CDH5: variants seen among roughly 807,000 people sequenced by gnomAD.
CDH5 encodes the protein cadherin-5.
In CDH5, 28 loss-of-function variants were observed where a neutral mutation model predicts 62.0. That is an observed-to-expected ratio of 0.45 (90% CI 0.33 to 0.62). The LOEUF (loss-of-function observed/expected upper bound fraction) is 0.62, where lower values mean the gene tolerates loss of function less well. Among genes scored for constraint, CDH5 ranks in the 20% least tolerant of loss-of-function variants. CDH5 has a pLI of 0.02. For missense variants in CDH5, 940 were observed against 1,065.1 expected, an observed-to-expected ratio of 0.88 and a Z score of 1.63; for synonymous variants, 464 against 445.8, an observed-to-expected ratio of 1.04 and a Z score of -0.52.
At chr16:66,376,891 T>C (rs539212681) in intron 1 of CDH5, among the ~76,000 whole-genome samples, 10 of 152,268 alleles carry the variant, frequency 6.6e-5, no homozygotes, top group African/African-American at 2.2e-4. Context: ...GGCACCCCCA[T>C]TGCCTAGCAT....
At position 66,402,699 on chromosome 16, in the gene CDH5, C is replaced by G; in HGVS notation, c.1885C>G (p.Arg629Gly). 3 of 1,608,536 alleles carry G rather than the reference C, an allele frequency of 1.9e-6. No individual in the cohort carries two copies. Among genetic ancestry groups the G allele is most frequent in the South Asian group, 1.1e-5 (1 of 90,632 alleles). The change falls in exon 12 of 12, where the codon CGC becomes GGC. Residue 629 changes from arginine to glycine, a missense_variant. Coordinates refer to ENST00000341529, the MANE Select transcript of CDH5 (RefSeq NM_001795.5). ...FLRRRLRKQARAHGKSVPEIH... is the reference protein window; with the variant it reads ...FLRRRLRKQAGAHGKSVPEIH... ...GCGGCGGCGGCTCCGGAAGCAGGCC[C>G]GCGCGCACGGCAAGAGCGTGCCGGA...
chr16:66,403,160 G>A lies in CDH5; in HGVS notation c.2346G>A (p.Leu782=). 6.2e-7 allele frequency: 1 copy of A among 1,609,620 alleles called. No individual in the cohort carries two copies. Among genetic ancestry groups the A allele is most frequent in the South Asian group, 1.1e-5 (1 of 90,524 alleles). Residue 782 remains leucine (L), a synonymous_variant, in exon 12 of 12, where the codon CTG becomes CTA. Transcript: ENST00000341529. This position sits in a 1 kb window ranked among gnomAD's most constrained non-coding sequence, Gnocchi z 4.3. The stretch of plus-strand genomic sequence containing the variant: ...ACGGCTCGGACCCCCGGGAGGAGCT[G>A]CTGTATTAGGCGGCCGAGGTCACTC... ...ELYGSDPREE[L]LY is the part of the protein sequence containing the mutation.
At chr16:66,381,756 A>T (rs72786454) in intron 2 of CDH5, among the ~76,000 whole-genome samples, 1 of 152,102 alleles carries the variant, frequency 6.6e-6, no homozygotes, top group Non-Finnish European at 1.5e-5. Context: ...AATCCAGCCC[A>T]CTGCCTGGAC....
rs1039774066 is a variant in CDH5, at chr16:66,403,142, G to T, written c.2328G>T (p.Ser776=). 1 of 1,610,748 alleles carries T rather than the reference G, an allele frequency of 6.2e-7. No individual in the cohort carries two copies. Among genetic ancestry groups the T allele is most frequent in the Non-Finnish European group, 8.5e-7 (1 of 1,179,082 alleles). Residue 776 remains serine (S), a synonymous_variant, in exon 12 of 12, where the codon TCG becomes TCT. Coordinates refer to ENST00000341529, the MANE Select transcript of CDH5 (RefSeq NM_001795.5). The surrounding 1 kb of genome is among the most constrained non-coding windows in gnomAD (Gnocchi z 4.3). ...AGATGCTGGCTGAGCTGTACGGCTC[G>T]GACCCCCGGGAGGAGCTGCTGTATT... ...RFKMLAELYG[S]DPREELLY is the part of the protein sequence containing the mutation.
intron 1 of CDH5, among the ~76,000 whole-genome samples, chr16:66,372,010 C>T (rs1422612512): frequency 1.3e-5 from 2 of 152,158 alleles, no homozygotes; most frequent in Non-Finnish European, 2.9e-5. Flanking sequence ...GATCTCACAG[C>T]CCCTTGGAGG....
At chr16:66,395,943 GA>G in intron 7 of CDH5, 115 bp from the exon 8 acceptor site, 1 of 1,009,620 alleles carries the variant, frequency 9.9e-7, no homozygotes, top group Non-Finnish European at 1.5e-6. Flanking sequence ...AGCAGTGAGA[GA>G]GGGGCATGGA....
At chr16:66,390,760 T>G (rs1004875931) in intron 6 of CDH5, among the ~76,000 whole-genome samples, 170 bp downstream of exon 6, 2 of 152,146 alleles carry the variant, frequency 1.3e-5, no homozygotes, top group African/African-American at 2.4e-5. Flanking sequence ...CCGAGTTACT[T>G]GGGAAGCAAA....
intron 1 of CDH5, among the ~76,000 whole-genome samples, chr16:66,373,623 C>A (rs931788067): frequency 1.3e-5 from 2 of 151,956 alleles, no homozygotes; most frequent in African/African-American, 2.4e-5. Context: ...CACCATGTTT[C>A]CCAGGCTGGT....
intron 8 of CDH5, among the ~76,000 whole-genome samples, chr16:66,397,586 T>G (rs1446197651): frequency 6.6e-6 from 1 of 152,192 alleles, no homozygotes; most frequent in African/African-American, 2.4e-5. Context: ...GGCCATCCAT[T>G]TCAGTCTTTT....
Position 66,386,795 on chromosome 16 carries a change from C to T in CDH5, c.211-14C>T, listed in dbSNP as rs1358196107. 1 of 1,587,460 alleles carries T rather than the reference C, an allele frequency of 6.3e-7. No individual in the cohort carries two copies. On this transcript the variant is annotated splice_polypyrimidine_tract_variant and intron_variant, in intron 2 of 11. Transcript: ENST00000341529. ...GCCGCCCATTCCCAGCTCACGTCAC[C>T]TCTTCTTTTCTAGATCAAGTCAAGC...
In CDH5 at chr16:66,400,948, T is replaced by C; in HGVS notation, c.1769T>C (p.Met590Thr). Residue 590 changes from methionine (M) to threonine (T), a missense_variant, in exon 11 of 12, where the codon ATG becomes ACG. Met to Thr is a moderately conservative substitution (Grantham distance 81). Coordinates refer to ENST00000341529, the MANE Select transcript of CDH5 (RefSeq NM_001795.5). ...GGCGAGTTCACCTTCTGCGAGGATA[T>C]GGCCGCCCAGGTGGGCGTGAGCATC... ...EQGEFTFCED[M>T]AAQVGVSIQA... The C allele has an allele frequency of 1.9e-6, 3 of 1,614,148 alleles. No homozygotes were observed. The highest frequency in any genetic ancestry group is 1.1e-5 in the South Asian group (1 of 91,088).
chr16:66,390,496 T>G lies in CDH5; in HGVS notation c.875T>G (p.Met292Arg), dbSNP rs530350962. The change falls in exon 6 of 12, where the codon ATG becomes AGG. Residue 292 changes from methionine (M) to arginine (R), a missense_variant. Met to Arg is a moderately conservative substitution (Grantham distance 91, BLOSUM62 -1). Coordinates refer to ENST00000341529, the MANE Select transcript of CDH5 (RefSeq NM_001795.5). ...VEDPDEPQNRMTKYSILRGDY... is the reference protein window; with the variant it reads ...VEDPDEPQNRRTKYSILRGDY... ...GACCCAGATGAGCCCCAGAACCGGA[T>G]GACCAAGTACAGCATCTTGCGGGGC... 6.8e-6 allele frequency: 11 copies of G among 1,614,130 alleles called. No individual in the cohort carries two copies. In the African/African-American group the frequency reaches 1.3e-4, roughly 20 times the overall value.
intron 1 of CDH5, among the ~76,000 whole-genome samples, chr16:66,376,037 G>T (rs1960780322): frequency 6.6e-6 from 1 of 152,128 alleles, no homozygotes; most frequent in Admixed American, 6.5e-5. Context: ...CTTGAACCTG[G>T]GAGGCGGAGG....
Position 66,390,537 on chromosome 16 carries a change from T to A in CDH5, c.916T>A (p.Phe306Ile). The A allele has an allele frequency of 1.2e-6, 2 of 1,614,144 alleles. No individual in the cohort carries two copies. Among genetic ancestry groups the A allele is most frequent in the Non-Finnish European group, 1.7e-6 (2 of 1,180,026 alleles). Residue 306 changes from phenylalanine (F) to isoleucine (I), a missense_variant, in exon 6 of 12, where the codon TTC becomes ATC. By Grantham distance (21) the Phe-to-Ile change is conservative. Transcript: ENST00000341529. ...SILRGDYQDA[F>I]TIETNPAHNE... Reference sequence around the variant, plus strand: ...CTTGCGGGGCGACTACCAGGACGCTTTCACCATTGAGACAAACCCCGCCCA... The same window carrying A: ...CTTGCGGGGCGACTACCAGGACGCTATCACCATTGAGACAAACCCCGCCCA...
At chr16:66,397,279 G>A (rs1567467958) in intron 8 of CDH5, among the ~76,000 whole-genome samples, 1 of 152,022 alleles carries the variant, frequency 6.6e-6, no homozygotes, top group African/African-American at 2.4e-5. Flanking sequence ...AAGTGCAGTG[G>A]CACGATCACA....
chr16:66,392,391 G>A lies in CDH5; in HGVS notation c.1217+8G>A, dbSNP rs1392581875. The A allele has an allele frequency of 4.3e-6, 7 of 1,613,838 alleles. No homozygotes were observed. The highest frequency in any genetic ancestry group is 5.9e-6 in the Non-Finnish European group (7 of 1,179,886). On this transcript the variant is annotated splice_region_variant and intron_variant, in intron 7 of 11. Coordinates refer to ENST00000341529, the MANE Select transcript of CDH5 (RefSeq NM_001795.5). ...GGCTAGGCATAGCATTGGGTAAGGGGGCGTGTGTCGATGAGAATGATAAGG... is the reference window on the plus strand; with the variant it reads ...GGCTAGGCATAGCATTGGGTAAGGGAGCGTGTGTCGATGAGAATGATAAGG...
In CDH5 at chr16:66,391,511, G is replaced by A. The variant is rs546048825; in HGVS notation, c.970-625G>A. Among the ~76,000 whole-genome samples, 5 of 152,156 alleles carry A rather than the reference G, an allele frequency of 3.3e-5. No individual in the cohort carries two copies. The East Asian group carries it at 5.8e-4, about 18-fold the overall frequency. On this transcript the variant is annotated intron_variant, in intron 6 of 11. Coordinates refer to ENST00000341529, the MANE Select transcript of CDH5 (RefSeq NM_001795.5). Reference sequence around the variant, plus strand: ...TGTCCGGCCGGGCCCGGTGGTTCACGCCTCTAATCCCAGCACTTTGTGAGG... The same window carrying A: ...TGTCCGGCCGGGCCCGGTGGTTCACACCTCTAATCCCAGCACTTTGTGAGG...
At position 66,398,007 on chromosome 16, in the gene CDH5, T is replaced by G. The variant is rs972147179; in HGVS notation, c.1386T>G (p.Ile462Met). The change falls in exon 9 of 12, where the codon ATT becomes ATG. Residue 462 changes from isoleucine (I) to methionine (M), a missense_variant. Coordinates refer to ENST00000341529, the MANE Select transcript of CDH5 (RefSeq NM_001795.5). ...STGTPTGKES[I>M]VQVHIEVLDE... The stretch of plus-strand genomic sequence containing the variant: ...GAACCCCCACAGGAAAAGAATCCAT[T>G]GTGCAAGTCCACATTGAAGTTTTGG... The G allele has an allele frequency of 6.2e-7, 1 of 1,614,066 alleles. No homozygotes were observed. Among genetic ancestry groups the G allele is most frequent in the Non-Finnish European group, 8.5e-7 (1 of 1,180,032 alleles).
chr16:66,394,726 A>T (rs929661673), intron 7 of CDH5, among the ~76,000 whole-genome samples: 6 of 150,284 alleles, frequency 4.0e-5, no homozygotes, highest in South Asian at 2.1e-4. Context: ...TATGTATGAT[A>T]AAAAAAATCA....
Sources: gnomAD v4.1 joint callset for allele counts (sites outside exome capture counted in the v4.1 genomes callset) on GRCh38, gnomAD v4.1.1 for gene constraint, Gnocchi (gnomAD v3.1) non-coding constraint, MANE v1.5 for transcripts, NCBI Gene and HGNC (gene_info 2026-07-23, HGNC 2026-07-21) for gene names.